The following KCNN2 variants were observed in gnomAD, a reference collection of about 807,000 sequenced individuals.
KCNN2 encodes small conductance calcium-activated potassium channel protein 2.
A neutral mutation model predicts 55.5 loss-of-function variants in KCNN2; 24 were observed. The observed-to-expected ratio is 0.43, with a 90% CI of 0.31 to 0.61. KCNN2 has a LOEUF of 0.61. Among genes scored for constraint, KCNN2 ranks in the 20% least tolerant of loss-of-function variants. The pLI is 0.08. For missense variants in KCNN2, 754 were observed against 853.6 expected (o/e 0.88, Z 1.45); for synonymous variants, 431 against 336.1 (o/e 1.28, Z -3.09).
At chr5:114,470,407 A>G (rs149266582) in intron 4 of KCNN2, among the ~76,000 whole-genome samples, 35 of 152,324 alleles carry the variant, frequency 2.3e-4, no homozygotes, top group African/African-American at 8.2e-4. Context: ...ATTGAGGAGT[A>G]GTACCTAGGA....
intron 2 of KCNN2, among the ~76,000 whole-genome samples, chr5:114,251,687 T>A (rs1264537164): frequency 6.6e-6 from 1 of 152,130 alleles, no homozygotes; most frequent in African/African-American, 2.4e-5. Flanking sequence ...TGAACTGTTA[T>A]ATTTTGCATC....
chr5:114,086,963 G>T (rs894906032), intron 1 of KCNN2, among the ~76,000 whole-genome samples: 4 of 151,848 alleles, frequency 2.6e-5, no homozygotes, highest in Admixed American at 6.6e-5. Flanking sequence ...TGACTTTTTA[G>T]TAGTAGCCAT....
chr5:114,349,585 A>C (rs1757171640), intron 2 of KCNN2, among the ~76,000 whole-genome samples: 1 of 151,900 alleles, frequency 6.6e-6, no homozygotes, highest in African/African-American at 2.4e-5. Flanking sequence ...AATCAGAAAC[A>C]CTCTGATCCC....
intron 1 of KCNN2, among the ~76,000 whole-genome samples, chr5:114,102,038 C>G (rs769385361): frequency 1.3e-5 from 2 of 152,156 alleles, no homozygotes; most frequent in Non-Finnish European, 2.9e-5. Context: ...AACTAATTTA[C>G]ACTCCCACCA....
chr5:114,449,279 C>T (rs6872421), intron 3 of KCNN2, among the ~76,000 whole-genome samples: 2,068 of 152,244 alleles, frequency 0.014, 56 homozygotes, highest in African/African-American at 0.047. Context: ...TTACTGTGCT[C>T]ATTGGCAGTG....
upstream of KCNN2, among the ~76,000 whole-genome samples, chr5:114,359,677 TA>T (rs1757367092): frequency 6.6e-6 from 1 of 152,164 alleles, no homozygotes; most frequent in African/African-American, 2.4e-5. Context: ...GAACGGCTAA[TA>T]AAAATATTTA....
chr5:114,466,489 AT>A (rs1245532283), intron 4 of KCNN2, among the ~76,000 whole-genome samples: 58 of 152,170 alleles, frequency 3.8e-4, no homozygotes, highest in African/African-American at 1.2e-3. Context: ...ATATATATAT[AT>A]ATAAAACACA....
chr5:114,360,867 C>T (rs1757399052), upstream of KCNN2: 1 of 152,286 alleles, frequency 6.6e-6, no homozygotes, highest in African/African-American at 2.4e-5. Context: ...TCCCACCCGC[C>T]GCTGCAGTTA....
At chr5:114,459,331 T>G (rs1761083898) in intron 3 of KCNN2, among the ~76,000 whole-genome samples, 1 of 152,212 alleles carries the variant, frequency 6.6e-6, no homozygotes, top group Admixed American at 6.5e-5. Context: ...AACTTGAAAT[T>G]TGTACAAATC....
chr5:114,333,633 C>A (rs1756867701), intron 2 of KCNN2, among the ~76,000 whole-genome samples: 1 of 151,268 alleles, frequency 6.6e-6, no homozygotes. Context: ...ATTGAATTTA[C>A]CAAAAATCAT....
intron 1 of KCNN2, among the ~76,000 whole-genome samples, chr5:114,172,789 AT>A (rs961942805): frequency 6.6e-6 from 1 of 151,082 alleles, no homozygotes; most frequent in African/African-American, 2.4e-5. Flanking sequence ...CAAATATTAG[AT>A]TTTTTTCTGT....
chr5:114,178,848 A>C (rs897751043), intron 1 of KCNN2, among the ~76,000 whole-genome samples: 22 of 152,230 alleles, frequency 1.4e-4, no homozygotes, highest in Non-Finnish European at 2.9e-4. Context: ...CTGGGTTGAC[A>C]TATTTTCTCA....
At chr5:114,109,050 G>A (rs998277095) in intron 1 of KCNN2, among the ~76,000 whole-genome samples, 1 of 151,988 alleles carries the variant, frequency 6.6e-6, no homozygotes, top group Non-Finnish European at 1.5e-5. Flanking sequence ...GCTAATCTTG[G>A]CAGAGATTAG....
intron 1 of KCNN2, among the ~76,000 whole-genome samples, chr5:114,067,065 G>C (rs17348806): frequency 6.6e-6 from 1 of 152,054 alleles, no homozygotes; most frequent in Admixed American, 6.5e-5. Flanking sequence ...TCCCCACTTA[G>C]GTAAACCACA....
chr5:114,357,520 G>A (rs28694174), upstream of KCNN2, among the ~76,000 whole-genome samples: 3 of 126,446 alleles, frequency 2.4e-5, no homozygotes, highest in African/African-American at 6.1e-5. Context: ...TCATTGTTCA[G>A]TTCCCACCTA....
intron 2 of KCNN2, among the ~76,000 whole-genome samples, chr5:114,267,306 T>C (rs1324215313): frequency 1.3e-5 from 2 of 152,178 alleles, no homozygotes; most frequent in South Asian, 4.1e-4. Context: ...CACCTCTTTC[T>C]TAATGAAGCT....
At chr5:114,364,892 C>T (rs1296214622) in intron 2 of KCNN2, among the ~76,000 whole-genome samples, 1 of 151,124 alleles carries the variant, frequency 6.6e-6, no homozygotes, top group African/African-American at 2.4e-5. Flanking sequence ...TATGTATTTT[C>T]TGAGTTTTTT....
intron 2 of KCNN2, among the ~76,000 whole-genome samples, chr5:114,344,927 A>G (rs1466577038): frequency 6.6e-6 from 1 of 152,250 alleles, no homozygotes; most frequent in Non-Finnish European, 1.5e-5. Context: ...ATCAAGAGAC[A>G]ATACATATGC....
In KCNN2 at chr5:114,495,995, T is replaced by C. The variant is rs1580938915; in HGVS notation, c.2189T>C (p.Ile730Thr). 3 of 1,614,080 alleles carry C rather than the reference T, an allele frequency of 1.9e-6. No homozygotes were observed. Among genetic ancestry groups the C allele is most frequent in the African/African-American group, 1.3e-5 (1 of 75,040 alleles). ...CTGGAAACAAAACTAGAGACTTTGA[T>C]TGGTAGCATCCACGCCCTCCCTGGG... is the stretch of plus-strand genomic sequence containing the variant. ...VTLETKLETL[I>T]GSIHALPGLI... The change falls in exon 8 of 8, where the codon ATT (isoleucine) becomes ACT (threonine). Residue 730 changes from isoleucine (I) to threonine (T), a missense_variant. Ile to Thr is a moderately conservative substitution (Grantham distance 89). Transcript: ENST00000673685.
Sources: gnomAD v4.1 joint callset for allele counts (sites outside exome capture counted in the v4.1 genomes callset) on GRCh38, gnomAD v4.1.1 for gene constraint, MANE v1.5 for transcripts, NCBI Gene and HGNC (gene_info 2026-07-23, HGNC 2026-07-21) for gene names.